The following SNX29 variants were observed in gnomAD, a reference collection of about 807,000 sequenced individuals.
SNX29 encodes the protein sorting nexin-29.
SNX29 carries 78 observed loss-of-function variants against 102.1 expected under a neutral mutation model. The ratio of observed to expected loss-of-function variants is 0.76; its 90% CI spans 0.64 to 0.92. The LOEUF is 0.92. Ranked by LOEUF, SNX29 falls within the 40% of genes least tolerant of loss-of-function variation. SNX29 has a pLI of 0.00. For missense variants in SNX29, 1,280 were observed against 1,061.7 expected, an observed-to-expected ratio of 1.21 and a Z score of -2.86; for synonymous variants, 580 against 414.5, an observed-to-expected ratio of 1.40 and a Z score of -4.85.
At chr16:12,405,805 G>C (rs1348673365) in intron 18 of SNX29, among the ~76,000 whole-genome samples, 2 of 151,822 alleles carry the variant, frequency 1.3e-5, no homozygotes, top group Non-Finnish European at 2.9e-5. Context: ...AGGCTGAGGC[G>C]GGTGGATCGC....
chr16:12,511,784 A>C (rs190174717), intron 19 of SNX29, among the ~76,000 whole-genome samples: 201 of 152,098 alleles, frequency 1.3e-3, no homozygotes, highest in African/African-American at 4.6e-3. Flanking sequence ...CTCCCCCGCA[A>C]CTTTAGAGTA....
chr16:12,462,802 A>G (rs908868209), intron 18 of SNX29, among the ~76,000 whole-genome samples: 1 of 152,234 alleles, frequency 6.6e-6, no homozygotes, highest in Non-Finnish European at 1.5e-5. Context: ...AGCTCTATGC[A>G]GAATATCAGT....
chr16:12,231,591 G>A (rs539977257), intron 14 of SNX29, among the ~76,000 whole-genome samples: 1 of 152,114 alleles, frequency 6.6e-6, no homozygotes, highest in Admixed American at 6.6e-5. Flanking sequence ...GTAAAATGCT[G>A]CAGGGAATGC....
In SNX29 at chr16:12,569,141, GGGC is replaced by G. The variant is rs2079131441; in HGVS notation, c.*513_*515del. On this transcript the variant is annotated 3_prime_UTR_variant, in exon 21 of 21. Coordinates refer to ENST00000566228, the MANE Select transcript of SNX29 (RefSeq NM_032167.5). ...GCTTTGCGGGGGGGGGGGGGGGGGG[GGGC>G]ATGGTTCCTTTCACTGCATTTTCCA... 1 of 108,876 alleles carries G rather than the reference GGGC, an allele frequency of 9.2e-6. No homozygotes were observed. The highest frequency in any genetic ancestry group is 1.7e-5 in the Non-Finnish European group (1 of 58,722). The allele number at this position is 108,876 out of a possible 1,614,324, so 6.7% of individuals were successfully genotyped here.
At chr16:12,223,258 G>T (rs192134045) in intron 14 of SNX29, among the ~76,000 whole-genome samples, 2 of 152,158 alleles carry the variant, frequency 1.3e-5, no homozygotes, top group Admixed American at 1.3e-4. Context: ...GGGCATAGTG[G>T]CTCACACCTG....
At chr16:12,344,550 A>G (rs551550656) in intron 15 of SNX29, among the ~76,000 whole-genome samples, 1 of 152,342 alleles carries the variant, frequency 6.6e-6, no homozygotes, top group Admixed American at 6.5e-5. Context: ...AAATGAATGA[A>G]AGAATCTGAG....
intron 16 of SNX29, among the ~76,000 whole-genome samples, chr16:12,377,659 G>T (rs1333461864): frequency 6.6e-6 from 1 of 152,198 alleles, no homozygotes; most frequent in African/African-American, 2.4e-5. Flanking sequence ...AGATAGTAGT[G>T]CTGATGGTGG....
chr16:12,137,933 A>C (rs1170928564), intron 13 of SNX29, among the ~76,000 whole-genome samples: 1 of 152,200 alleles, frequency 6.6e-6, no homozygotes, highest in East Asian at 1.9e-4. Context: ...GGGAAAAGCC[A>C]GTAGGCTTCA....
intron 11 of SNX29, among the ~76,000 whole-genome samples, chr16:12,079,504 G>C (rs191574): frequency 0.011 from 1,529 of 144,350 alleles, 29 homozygotes; most frequent in African/African-American, 0.039. Context: ...GGGGGCACTT[G>C]TTCCCAATTA....
chr16:12,276,333 A>G (rs1444362303), intron 14 of SNX29, among the ~76,000 whole-genome samples: 3 of 152,038 alleles, frequency 2.0e-5, no homozygotes, highest in East Asian at 1.9e-4. Context: ...CACTCCCTGC[A>G]TTCGTGGCCC....
chr16:12,380,275 G>T (rs2083024131), intron 16 of SNX29, among the ~76,000 whole-genome samples: 1 of 150,588 alleles, frequency 6.6e-6, no homozygotes, highest in South Asian at 2.1e-4. Flanking sequence ...TACCTGTCCA[G>T]ACTGTTCTCA....
At chr16:12,547,272 G>C (rs1184731234) in intron 20 of SNX29, among the ~76,000 whole-genome samples, 1 of 152,220 alleles carries the variant, frequency 6.6e-6, no homozygotes. Context: ...CAGCCTTGAA[G>C]AGTTGGCCCC....
intron 16 of SNX29, 80 bp downstream of exon 16, chr16:12,356,359 G>A: frequency 7.5e-7 from 1 of 1,342,262 alleles, no homozygotes; most frequent in South Asian, 1.3e-5. Context: ...GACTCACAGA[G>A]CAAGCAACCA....
rs536589754 is a variant in SNX29, at chr16:12,553,751, C to G, written c.2319-14755C>G. ...TATATGCACATGCCACCACCCCCAG[C>G]CTAGTTTTTTTCCTTAAGTACAGAC... is the stretch of plus-strand genomic sequence containing the variant. On this transcript the variant is annotated intron_variant, in intron 20 of 20. Coordinates refer to ENST00000566228, the MANE Select transcript of SNX29 (RefSeq NM_032167.5). Among the ~76,000 whole-genome samples, 9 of 152,142 alleles carry G rather than the reference C, an allele frequency of 5.9e-5. No homozygotes were observed. In the East Asian group the frequency reaches 1.2e-3, roughly 20 times the overall value.
At chr16:12,053,700 T>C (rs1230448443) in intron 8 of SNX29, among the ~76,000 whole-genome samples, 1 of 151,952 alleles carries the variant, frequency 6.6e-6, no homozygotes, top group Non-Finnish European at 1.5e-5. Context: ...GTGCCTATTA[T>C]TGTTTTTTAT....
intron 11 of SNX29, chr16:12,090,107 C>T: frequency 6.4e-6 from 1 of 155,708 alleles, no homozygotes; most frequent in Non-Finnish European, 1.4e-5. Context: ...TCCTGGCTTC[C>T]AGCCTCAGCT....
chr16:12,355,571 G>T (rs920236397), intron 15 of SNX29, among the ~76,000 whole-genome samples: 1 of 152,102 alleles, frequency 6.6e-6, no homozygotes, highest in Non-Finnish European at 1.5e-5. Flanking sequence ...AGTGTAGCAG[G>T]ATTACATCTC....
At chr16:11,984,383 A>AAAAAAAG (rs71139570) in intron 1 of SNX29, among the ~76,000 whole-genome samples, 59,432 of 144,984 alleles carry the variant, frequency 0.41, 13,728 homozygotes, top group Non-Finnish European at 0.52. Flanking sequence ...TCAAAAAAAA[A>AAAAAAAG]AAAAGAAAAG....
chr16:12,145,185 CT>C (rs2055015419), intron 13 of SNX29, among the ~76,000 whole-genome samples: 1 of 149,964 alleles, frequency 6.7e-6, no homozygotes, highest in Non-Finnish European at 1.5e-5. Context: ...CTTGAGGGAA[CT>C]CTTGTTTTCA....
Sources: allele counts gnomAD v4.1 joint callset (sites outside exome capture counted in the v4.1 genomes callset), GRCh38; gene constraint gnomAD v4.1.1; transcripts MANE v1.5; gene names NCBI Gene and HGNC (gene_info 2026-07-23, HGNC 2026-07-21).